The following RECK variants were observed in gnomAD, a reference collection of about 807,000 sequenced individuals.
RECK encodes the protein reversion inducing cysteine rich protein with kazal motifs.
Under a neutral mutation model 115.1 loss-of-function variants are expected in RECK, and 69 were observed. The ratio of observed to expected loss-of-function variants is 0.60; its 90% CI spans 0.49 to 0.73. The LOEUF is 0.73. Among genes scored for constraint, RECK ranks in the 30% least tolerant of loss-of-function variants. The probability of loss-of-function intolerance (pLI) is 0.00; values close to 1 mark genes in which losing one functional copy is unlikely to be tolerated. For synonymous variants in RECK, 414 were observed against 419.7 expected (o/e 0.99, Z 0.17); for missense variants, 1,047 against 1,203.7 (o/e 0.87, Z 1.93).
chr9:36,044,512 T>C (rs1054544676), intron 1 of RECK, among the ~76,000 whole-genome samples: 1 of 152,216 alleles, frequency 6.6e-6, no homozygotes, highest in Non-Finnish European at 1.5e-5. Flanking sequence ...TCCATTATTC[T>C]TTATTAGTCA....
intron 1 of RECK, among the ~76,000 whole-genome samples, chr9:36,041,771 C>CTTTTT (rs35445082): frequency 7.8e-6 from 1 of 127,704 alleles, no homozygotes; most frequent in African/African-American, 3.0e-5. Context: ...AATCAGCTTC[C>CTTTTT]TTTTTTTTTT....
chr9:36,083,305 T>C (rs974983900), intron 7 of RECK, 60 bp from the exon 8 acceptor site: 3 of 1,477,558 alleles, frequency 2.0e-6, no homozygotes, highest in Non-Finnish European at 2.8e-6. Context: ...ATTATGATGA[T>C]GATTTAATGT....
intron 14 of RECK, 111 bp from the exon 15 acceptor site, chr9:36,109,846 A>AC: frequency 8.6e-7 from 1 of 1,164,104 alleles, no homozygotes; most frequent in Non-Finnish European, 1.2e-6. Flanking sequence ...CCTTCTCAAA[A>AC]AAAAAAAAAG....
chr9:36,118,696 C>G (rs1253286455), intron 17 of RECK, 61 bp from the exon 18 acceptor site: 4 of 1,513,370 alleles, frequency 2.6e-6, no homozygotes, highest in Non-Finnish European at 3.6e-6. Flanking sequence ...GCTGTGTACT[C>G]TTGGTTGGGA....
In RECK at chr9:36,037,007, C is replaced by T. The variant is rs1484083523; in HGVS notation, c.9C>T (p.Thr3=). The part of the protein sequence containing the change: MA[T]VRASLRGALL... ...AGCCGCCCGGCCCGGACATGGCGACCGTCCGGGCCTCTCTGCGAGGTGCGC... is the reference window on the plus strand; with the variant it reads ...AGCCGCCCGGCCCGGACATGGCGACTGTCCGGGCCTCTCTGCGAGGTGCGC... Residue 3 remains threonine, a synonymous_variant, in exon 1 of 21, where the codon ACC becomes ACT. Coordinates refer to ENST00000377966, the MANE Select transcript of RECK (RefSeq NM_021111.3). The T allele has an allele frequency of 7.0e-6, 10 of 1,428,928 alleles. No homozygotes were observed. The highest frequency in any genetic ancestry group is 3.0e-5 in the African/African-American group (2 of 67,256). 88.5% of individuals were successfully genotyped at this position (1,428,928 alleles called of 1,614,324 possible). A position where few individuals can be genotyped will look rare whatever the true frequency, so the allele number is the denominator to read the frequency against.
intron 6 of RECK, among the ~76,000 whole-genome samples, chr9:36,069,268 G>A (rs142141694): frequency 9.9e-5 from 15 of 152,088 alleles, no homozygotes; most frequent in African/African-American, 3.4e-4. Flanking sequence ...GGCCGGGTGC[G>A]GTGGCTCACA....
intron 14 of RECK, 34 bp from the exon 15 acceptor site, chr9:36,109,923 A>G: frequency 1.3e-6 from 2 of 1,575,162 alleles, no homozygotes; most frequent in Non-Finnish European, 1.7e-6. Flanking sequence ...TCAATGCATG[A>G]TATAGATCAA....
At chr9:36,077,878 T>G (rs1402826021) in intron 6 of RECK, among the ~76,000 whole-genome samples, 2 of 152,126 alleles carry the variant, frequency 1.3e-5, no homozygotes, top group Non-Finnish European at 2.9e-5. Flanking sequence ...CTCTGTTTAT[T>G]CAACTTTGCC....
chr9:36,083,652 C>A, intron 8 of RECK, 90 bp downstream of exon 8: 7 of 1,325,880 alleles, frequency 5.3e-6, no homozygotes, highest in Non-Finnish European at 6.2e-6. Flanking sequence ...TATCTGCAGT[C>A]TGGGTCATTT....
intron 1 of RECK, 142 bp downstream of exon 1, chr9:36,037,240 G>C: frequency 2.2e-6 from 1 of 451,288 alleles, no homozygotes; most frequent in Non-Finnish European, 3.6e-6. Flanking sequence ...CCAGGTCTCA[G>C]CGCTCCAGAG....
chr9:36,039,930 G>A (rs1285593071), intron 1 of RECK, among the ~76,000 whole-genome samples: 1 of 152,200 alleles, frequency 6.6e-6, no homozygotes. Context: ...GAAAGTTTCT[G>A]TCTGGCATCC....
intron 1 of RECK, among the ~76,000 whole-genome samples, chr9:36,049,144 T>C (rs1055759420): frequency 2.0e-5 from 3 of 152,206 alleles, no homozygotes; most frequent in African/African-American, 7.2e-5. Flanking sequence ...TGTCCTCTTA[T>C]GGAATCAGGT....
intron 6 of RECK, among the ~76,000 whole-genome samples, chr9:36,070,821 TG>T (rs1454303155): frequency 6.6e-6 from 1 of 152,254 alleles, no homozygotes; most frequent in Non-Finnish European, 1.5e-5. Flanking sequence ...GTTTTGATTG[TG>T]GGGTCACCAG....
Position 36,100,584 on chromosome 9 carries a change from A to G in RECK, c.1298+41A>G, listed in dbSNP as rs1162047000. ...CCTAACGATTCTCCAGCTTTAGTTC[A>G]GACCCTCCGTGATCTCTAGCCAGAG... On this transcript the variant is annotated intron_variant, in intron 11 of 20. Coordinates refer to ENST00000377966, the MANE Select transcript of RECK (RefSeq NM_021111.3). 3 of 1,477,588 alleles carry G rather than the reference A, an allele frequency of 2.0e-6. No homozygotes were observed. In the Admixed American group the frequency reaches 5.1e-5, roughly 25 times the overall value. 91.5% of individuals were successfully genotyped at this position (1,477,588 alleles called of 1,614,324 possible).
chr9:36,051,268 T>C (rs1821288519), intron 1 of RECK, among the ~76,000 whole-genome samples: 1 of 152,188 alleles, frequency 6.6e-6, no homozygotes. Flanking sequence ...GAACATTAGC[T>C]CTCTACTGCT....
At chr9:36,093,524 T>G (rs896992754) in intron 10 of RECK, among the ~76,000 whole-genome samples, 2 of 151,986 alleles carry the variant, frequency 1.3e-5, no homozygotes, top group African/African-American at 4.8e-5. Context: ...TAAAATAAAT[T>G]TATTGTAGGG....
At chr9:36,084,872 TAGTGA>T (rs1822885399) in intron 8 of RECK, among the ~76,000 whole-genome samples, 1 of 152,032 alleles carries the variant, frequency 6.6e-6, no homozygotes, top group Non-Finnish European at 1.5e-5. Context: ...CTGGACAACA[TAGTGA>T]GACCCTATGT....
chr9:36,047,997 T>G (rs1457953943), intron 1 of RECK, among the ~76,000 whole-genome samples: 1 of 151,488 alleles, frequency 6.6e-6, no homozygotes, highest in Non-Finnish European at 1.5e-5. Context: ...CTCATTCATT[T>G]CTCCTCAATA....
chr9:36,095,916 CA>C (rs35485234), intron 10 of RECK, among the ~76,000 whole-genome samples: 1 of 146,834 alleles, frequency 6.8e-6, no homozygotes, highest in African/African-American at 2.5e-5. Flanking sequence ...ACTAAAAATA[CA>C]AAAAAAAAAT....
Sources: gnomAD v4.1 joint callset for allele counts (sites outside exome capture counted in the v4.1 genomes callset) on GRCh38, gnomAD v4.1.1 for gene constraint, MANE v1.5 for transcripts, NCBI Gene and HGNC (gene_info 2026-07-23, HGNC 2026-07-21) for gene names.